ZNF557: variants seen among roughly 807,000 people sequenced by gnomAD.
ZNF557 encodes zinc finger protein 557.
Under a neutral mutation model 21.2 loss-of-function variants are expected in ZNF557, and 19 were observed. The ratio of observed to expected loss-of-function variants is 0.90; its 90% CI spans 0.63 to 1.32. The LOEUF (loss-of-function observed/expected upper bound fraction) is 1.32. Among genes scored for constraint, ZNF557 ranks in the 40% most tolerant of loss-of-function variants. ZNF557 has a pLI of 0.00. For missense variants in ZNF557, 487 were observed against 519.8 expected (o/e 0.94, Z 0.61); for synonymous variants, 207 against 194.8 (o/e 1.06, Z -0.52).
chr19:7,071,293 A>G (rs769524933), intron 2 of ZNF557, among the ~76,000 whole-genome samples: 17 of 152,088 alleles, frequency 1.1e-4, no homozygotes, highest in Non-Finnish European at 1.9e-4. Context: ...TATGCTGTAT[A>G]ATAAGGTAGC....
At chr19:7,078,651 C>T (rs942240634) in intron 5 of ZNF557, among the ~76,000 whole-genome samples, 7 of 152,104 alleles carry the variant, frequency 4.6e-5, no homozygotes, top group East Asian at 1.9e-4. Flanking sequence ...AGGCTGGTCT[C>T]GAACTCCTGA....
At chr19:7,075,140 A>T (rs1401754908) in intron 3 of ZNF557, 35 bp downstream of exon 3, 1 of 1,613,658 alleles carries the variant, frequency 6.2e-7, no homozygotes, top group Non-Finnish European at 8.5e-7. Flanking sequence ...CTCAGAGTCC[A>T]GGCTTGAAAG....
In ZNF557 at chr19:7,084,602, C is replaced by G. The variant is rs913152517; in HGVS notation, c.*858C>G. On this transcript the variant is annotated 3_prime_UTR_variant, in exon 8 of 8. Coordinates refer to ENST00000252840, the MANE Select transcript of ZNF557 (RefSeq NM_024341.3). Reference sequence around the variant, plus strand: ...TCCTAGGTTCAAGCAGTCCTTTCATCTTGGCCTCCAGAAGTACTGGGATTA... The same window carrying G: ...TCCTAGGTTCAAGCAGTCCTTTCATGTTGGCCTCCAGAAGTACTGGGATTA... 1 of 152,198 alleles carries G rather than the reference C, an allele frequency of 6.6e-6. No homozygotes were observed. The highest frequency in any genetic ancestry group is 1.5e-5 in the Non-Finnish European group (1 of 68,084). The allele number at this position is 152,198 out of a possible 1,614,324, so 9.4% of individuals were successfully genotyped here. A position where few individuals can be genotyped will look rare whatever the true frequency, so the allele number is the denominator to read the frequency against.
At chr19:7,082,570 C>G (rs998356135) in intron 7 of ZNF557, among the ~76,000 whole-genome samples, 4 of 151,982 alleles carry the variant, frequency 2.6e-5, no homozygotes, top group South Asian at 4.1e-4. Context: ...ACTTGTTTTT[C>G]CTGAGAATTC....
At chr19:7,070,279 G>A (rs1405580438) in intron 1 of ZNF557, among the ~76,000 whole-genome samples, 1 of 152,160 alleles carries the variant, frequency 6.6e-6, no homozygotes, top group African/African-American at 2.4e-5. Context: ...AAAGCATCTG[G>A]AGTCACCATA....
rs889941772 is a variant in ZNF557 at position 7,069,722 on chromosome 19, G to C, written c.-223G>C. ...GCTTGTGTCTTGTGAGAAGAGCCGC[G>C]CTTGCAGCGTCTGGGAGAATCTTTC... On this transcript the variant is annotated 5_prime_UTR_variant, in exon 1 of 8. Coordinates refer to ENST00000252840, the MANE Select transcript of ZNF557 (RefSeq NM_024341.3). 1.3e-5 allele frequency: 2 copies of C among 152,286 alleles called. No individual in the cohort carries two copies. The highest frequency in any genetic ancestry group is 4.1e-4 in the South Asian group (2 of 4,842). 9.4% of individuals were successfully genotyped at this position (152,286 alleles called of 1,614,324 possible). A position where few individuals can be genotyped will look rare whatever the true frequency, so the allele number is the denominator to read the frequency against.
At chr19:7,081,929 C>A in intron 6 of ZNF557, 41 bp from the exon 7 acceptor site, 3 of 1,530,574 alleles carry the variant, frequency 2.0e-6, no homozygotes, top group Non-Finnish European at 1.8e-6. Context: ...TAAAATTTGC[C>A]TCTTTTCTAT....
rs554710001 is a variant in ZNF557, at chr19:7,087,280, C to G, written c.*3536C>G. ...CAGGGGCTGGGCGTGGTGGCTCACG[C>G]CTGTAATCCCACCACTTTGGGAGGC... On this transcript the variant is annotated 3_prime_UTR_variant, in exon 8 of 8. Transcript: ENST00000252840. The G allele has an allele frequency of 3.7e-4, 47 of 127,454 alleles. No homozygotes were observed. The highest frequency in any genetic ancestry group is 1.4e-3 in the African/African-American group (46 of 33,874). The allele number at this position is 127,454 out of a possible 1,614,324, so 7.9% of individuals were successfully genotyped here.
Position 7,076,468 on chromosome 19 carries a change from G to A in ZNF557, c.208G>A (p.Asp70Asn). 1 of 1,614,166 alleles carries A rather than the reference G, an allele frequency of 6.2e-7. No homozygotes were observed. The highest frequency in any genetic ancestry group is 8.5e-7 in the Non-Finnish European group (1 of 1,180,028). Residue 70 changes from aspartate to asparagine, a missense_variant, in exon 5 of 8, where the codon GAC becomes AAC. Physicochemically the swap from Asp to Asn is conservative, Grantham distance 23 (BLOSUM62 1). Coordinates refer to ENST00000252840, the MANE Select transcript of ZNF557 (RefSeq NM_024341.3). ...LDPAQRTLYR[D>N]VMLENCRNLA... ...CCCTGCCCAAAGGACACTGTACAGG[G>A]ACGTGATGCTGGAGAACTGCAGGAA... is the stretch of plus-strand genomic sequence containing the variant.
In ZNF557 at chr19:7,084,165, A is replaced by C. The variant is rs1045034579; in HGVS notation, c.*421A>C. The stretch of plus-strand genomic sequence containing the variant: ...AAGCCAGTGATCTAAAGGAGCCAAC[A>C]CAGAAAGCATAATGTCTTTTATGAC... On this transcript the variant is annotated 3_prime_UTR_variant, in exon 8 of 8. Coordinates refer to ENST00000252840, the MANE Select transcript of ZNF557 (RefSeq NM_024341.3). The C allele has an allele frequency of 1.1e-5, 2 of 180,504 alleles. No homozygotes were observed. The highest frequency in any genetic ancestry group is 2.4e-5 in the Non-Finnish European group (2 of 85,026). The allele number at this position is 180,504 out of a possible 1,614,324, so 11.2% of individuals were successfully genotyped here.
chr19:7,071,966 A>G (rs1977470502), intron 2 of ZNF557, among the ~76,000 whole-genome samples: 1 of 130,234 alleles, frequency 7.7e-6, no homozygotes, highest in Admixed American at 7.8e-5. Flanking sequence ...AAAAAAAAAG[A>G]TTACCCGGGC....
At position 7,087,635 on chromosome 19, in the gene ZNF557, TAC is replaced by T. The variant is rs1977893578; in HGVS notation, c.*3892_*3893del. 1 of 151,980 alleles carries T rather than the reference TAC, an allele frequency of 6.6e-6. No individual in the cohort carries two copies. Among genetic ancestry groups the T allele is most frequent in the Non-Finnish European group, 1.5e-5 (1 of 68,040 alleles). 9.4% of individuals were successfully genotyped at this position (151,980 alleles called of 1,614,324 possible). A position where few individuals can be genotyped will look rare whatever the true frequency, so the allele number is the denominator to read the frequency against. Reference sequence around the variant, plus strand: ...GCTGCATTGGCTCTGTTCTGCATATTACTAGACTTCTTACATGATCACAAGTA... The same window carrying T: ...GCTGCATTGGCTCTGTTCTGCATATTTAGACTTCTTACATGATCACAAGTA... On this transcript the variant is annotated 3_prime_UTR_variant, in exon 8 of 8. Transcript: ENST00000252840.
rs1410958728 is a variant in ZNF557, at chr19:7,069,734, T to A, written c.-211T>A. 1 of 152,268 alleles carries A rather than the reference T, an allele frequency of 6.6e-6. No homozygotes were observed. Among genetic ancestry groups the A allele is most frequent in the African/African-American group, 2.4e-5 (1 of 41,474 alleles). 9.4% of individuals were successfully genotyped at this position (152,268 alleles called of 1,614,324 possible). On this transcript the variant is annotated 5_prime_UTR_variant, in exon 1 of 8. Transcript: ENST00000252840. Reference sequence around the variant, plus strand: ...TGAGAAGAGCCGCGCTTGCAGCGTCTGGGAGAATCTTTCGGTCTCCGCGAG... The same window carrying A: ...TGAGAAGAGCCGCGCTTGCAGCGTCAGGGAGAATCTTTCGGTCTCCGCGAG...
chr19:7,082,864 C>G lies in ZNF557; in HGVS notation c.427-14C>G, dbSNP rs1207264427. On this transcript the variant is annotated splice_polypyrimidine_tract_variant and intron_variant, in intron 7 of 7. Coordinates refer to ENST00000252840, the MANE Select transcript of ZNF557 (RefSeq NM_024341.3). ...TATTATAAATGGTACTTATTGTCAT[C>G]TCTTAATCAATAGGAGAGGAATCAT... 1 of 1,544,318 alleles carries G rather than the reference C, an allele frequency of 6.5e-7. No individual in the cohort carries two copies. The highest frequency in any genetic ancestry group is 1.4e-5 in the African/African-American group (1 of 72,342).
rs10641888 is a variant in ZNF557, at chr19:7,082,421, CA to C, written c.426+388del. On this transcript the variant is annotated intron_variant, in intron 7 of 7. Coordinates refer to ENST00000252840, the MANE Select transcript of ZNF557 (RefSeq NM_024341.3). The stretch of plus-strand genomic sequence containing the variant: ...CTGGCGACAGAGCAAGACTCTGTCT[CA>C]AAAAAAAAAAAAAAAAAAGTGGCTT... Among the ~76,000 whole-genome samples the C allele has an allele frequency of 2.4e-3, 265 of 108,384 alleles. 4 individuals are homozygous for C. Among genetic ancestry groups the C allele is most frequent in the African/African-American group, 9.1e-3 (248 of 27,154 alleles). The allele number at this position is 108,384 out of a possible 152,430, so 71.1% of individuals were successfully genotyped here.
At chr19:7,073,406 T>A (rs1055770182) in intron 2 of ZNF557, among the ~76,000 whole-genome samples, 1 of 152,168 alleles carries the variant, frequency 6.6e-6, no homozygotes, top group Non-Finnish European at 1.5e-5. Context: ...TCCGCCCACC[T>A]CGGCCTCCCA....
chr19:7,087,345 A>G lies in ZNF557; in HGVS notation c.*3601A>G, dbSNP rs1003326651. 1 of 150,842 alleles carries G rather than the reference A, an allele frequency of 6.6e-6. No individual in the cohort carries two copies. Among genetic ancestry groups the G allele is most frequent in the African/African-American group, 2.4e-5 (1 of 41,070 alleles). 9.3% of individuals were successfully genotyped at this position (150,842 alleles called of 1,614,324 possible). ...CACCTGAGGTGGGGAGTTCGAGACC[A>G]GCCTGATCAACATGGAGAAAACCTG... On this transcript the variant is annotated 3_prime_UTR_variant, in exon 8 of 8. Transcript: ENST00000252840.
At chr19:7,081,213 C>T (rs376277712) in intron 5 of ZNF557, 147 bp from the exon 6 acceptor site, 24 of 458,212 alleles carry the variant, frequency 5.2e-5, no homozygotes, top group Middle Eastern at 6.4e-4. Context: ...GTGTTTAAGA[C>T]GGTTGCTATA....
Position 7,075,697 on chromosome 19 carries a change from C to T in ZNF557, c.74C>T (p.Thr25Ile). The T allele has an allele frequency of 6.2e-7, 1 of 1,613,732 alleles. No individual in the cohort carries two copies. Among genetic ancestry groups the T allele is most frequent in the East Asian group, 2.2e-5 (1 of 44,866 alleles). Residue 25 changes from threonine (T) to isoleucine (I), a missense_variant, in exon 4 of 8, where the codon ACA becomes ATA. Physicochemically the swap from Thr to Ile is moderately conservative, Grantham distance 89. Transcript: ENST00000252840. ...CCAGCCTCTCAGCGAGAAGGACACA[C>T]AGAGGGCGGAGAGCTGGTTAATGAG... is the stretch of plus-strand genomic sequence containing the variant. ...LFPASQREGH[T>I]EGGELVNELL...
Sources: allele counts gnomAD v4.1 joint callset (sites outside exome capture counted in the v4.1 genomes callset), GRCh38; gene constraint gnomAD v4.1.1; transcripts MANE v1.5; gene names NCBI Gene and HGNC (gene_info 2026-07-23, HGNC 2026-07-21).